The following GCNA variants were observed in gnomAD, a reference collection of about 807,000 sequenced individuals.
The protein encoded by GCNA is germ cell nuclear acidic protein.
Under a neutral mutation model 38.8 loss-of-function variants are expected in GCNA, and 3 were observed. The ratio of observed to expected loss-of-function variants is 0.08; its 90% CI spans 0.04 to 0.20. The LOEUF (loss-of-function observed/expected upper bound fraction) is 0.20. Among genes scored for constraint, GCNA ranks in the 10% least tolerant of loss-of-function variants. GCNA has a pLI of 1.00. For missense variants in GCNA, 446 were observed against 578.6 expected, an observed-to-expected ratio of 0.77 and a Z score of 2.35; for synonymous variants, 195 against 240.2, an observed-to-expected ratio of 0.81 and a Z score of 1.74.
intron 8 of GCNA, 70 bp downstream of exon 8, chrX:71,604,746 C>G: frequency 8.6e-7 from 1 of 1,160,011 alleles, no homozygotes; most frequent in Non-Finnish European, 1.2e-6. Flanking sequence ...CCTGTGTTAT[C>G]CAGTCTGCCT....
intron 2 of GCNA, among the ~76,000 whole-genome samples, chrX:71,586,049 C>A (rs138238619): frequency 2.5e-4 from 27 of 108,455 alleles, no homozygotes; most frequent in Non-Finnish European, 4.8e-4. Flanking sequence ...ATAAACGCTG[C>A]GAAGGGGCAG....
chrX:71,597,086 G>A (rs1210328825), intron 6 of GCNA, among the ~76,000 whole-genome samples: 1 of 111,043 alleles, frequency 9.0e-6, no homozygotes, highest in Non-Finnish European at 1.9e-5. Context: ...GTGAGGAGGA[G>A]TGAATGGAAA....
rs2040790472 is a variant in GCNA, at chrX:71,609,085, G to A, written c.1579G>A (p.Asp527Asn). The A allele has an allele frequency of 1.7e-6, 2 of 1,211,022 alleles. No individual in the cohort carries two copies. Among genetic ancestry groups the A allele is most frequent in the Non-Finnish European group, 2.2e-6 (2 of 895,145 alleles). Reference protein sequence around the residue: ...NKDELVQRIYDLFNRSVCDKK... With the variant: ...NKDELVQRIYNLFNRSVCDKK... Reference sequence around the variant, plus strand: ...GGATGAATTGGTTCAGAGAATCTACGACCTGTTTAACAGATCCGTCTGTGA... The same window carrying A: ...GGATGAATTGGTTCAGAGAATCTACAACCTGTTTAACAGATCCGTCTGTGA... Residue 527 changes from aspartate to asparagine, a missense_variant, in exon 10 of 13, where the codon GAC (aspartate) becomes AAC (asparagine). By Grantham distance (23) the Asp-to-Asn change is conservative. This residue lies in a region of GCNA where 60 missense variants were observed against 111.0 expected (regional missense o/e 0.54). Coordinates refer to ENST00000373696, the MANE Select transcript of GCNA (RefSeq NM_052957.5).
In GCNA at chrX:71,613,104, G is replaced by T. The variant is rs2040826021; in HGVS notation, c.*122G>T. The T allele has an allele frequency of 1.0e-6, 1 of 975,596 alleles. No individual in the cohort carries two copies. The highest frequency in any genetic ancestry group is 1.9e-5 in the African/African-American group (1 of 52,863). 80.4% of individuals were successfully genotyped at this position (975,596 alleles called of 1,213,427 possible). On this transcript the variant is annotated 3_prime_UTR_variant, in exon 13 of 13. Coordinates refer to ENST00000373696, the MANE Select transcript of GCNA (RefSeq NM_052957.5). The stretch of plus-strand genomic sequence containing the variant: ...TACAAGGCAATGAAGAATTCTTAAG[G>T]TTATCTTAGAGTATATTAATGTGAG...
In GCNA at chrX:71,610,730, C is replaced by G. The variant is rs1334861886; in HGVS notation, c.1661C>G (p.Ala554Gly). Reference sequence around the variant, plus strand: ...TGGAATAACAAGATGGTGAAAACTGCTGGCTTATGCAGCACTGGTGAGATG... The same window carrying G: ...TGGAATAACAAGATGGTGAAAACTGGTGGCTTATGCAGCACTGGTGAGATG... ...IGWNNKMVKT[A>G]GLCSTGEMWY... Residue 554 changes from alanine (A) to glycine (G), a missense_variant, in exon 11 of 13, where the codon GCT becomes GGT. Ala to Gly is a moderately conservative substitution (Grantham distance 60). Transcript: ENST00000373696. 8.3e-7 allele frequency: 1 copy of G among 1,211,462 alleles called. No homozygotes were observed. Among genetic ancestry groups the G allele is most frequent in the Non-Finnish European group, 1.1e-6 (1 of 895,421 alleles).
intron 2 of GCNA, among the ~76,000 whole-genome samples, chrX:71,588,445 T>C (rs2040599104): frequency 8.9e-6 from 1 of 112,374 alleles, no homozygotes; most frequent in African/African-American, 3.2e-5. Context: ...TAATTTTGAA[T>C]AATTTGGCAG....
chrX:71,611,541 C>T (rs1231734142), intron 11 of GCNA, among the ~76,000 whole-genome samples: 1 of 112,069 alleles, frequency 8.9e-6, no homozygotes, highest in Admixed American at 9.5e-5. Context: ...GAGACTTAGT[C>T]TCTAAAATGT....
At chrX:71,599,361 G>A (rs1455257780) in intron 7 of GCNA, among the ~76,000 whole-genome samples, 1 of 111,961 alleles carries the variant, frequency 8.9e-6, no homozygotes, top group Non-Finnish European at 1.9e-5. Flanking sequence ...TGGTCTGGGT[G>A]CAGAGTAGAG....
intron 9 of GCNA, among the ~76,000 whole-genome samples, 179 bp from the exon 10 acceptor site, chrX:71,608,794 T>A (rs1255982372): frequency 8.9e-6 from 1 of 111,809 alleles, no homozygotes; most frequent in Non-Finnish European, 1.9e-5. Context: ...TTTACACCTC[T>A]GAGGGTTGCA....
intron 9 of GCNA, among the ~76,000 whole-genome samples, chrX:71,608,139 C>G (rs1371547877): frequency 9.0e-6 from 1 of 111,335 alleles, no homozygotes; most frequent in Non-Finnish European, 1.9e-5. Context: ...GTTCTCATAT[C>G]TAGGCATTAA....
intron 2 of GCNA, among the ~76,000 whole-genome samples, chrX:71,585,053 G>A (rs1229904520): frequency 9.1e-6 from 1 of 110,010 alleles, no homozygotes; most frequent in Admixed American, 9.8e-5. Flanking sequence ...GCTCACACCT[G>A]TAATCCCGGC....
intron 7 of GCNA, among the ~76,000 whole-genome samples, chrX:71,601,924 G>A (rs2040718651): frequency 8.9e-6 from 1 of 112,420 alleles, no homozygotes; most frequent in African/African-American, 3.2e-5. Flanking sequence ...ACATAGGAGT[G>A]CAGATATCTC....
rs1262605082 is a variant in GCNA at position 71,604,303 on chromosome X, T to C, written c.1026T>C (p.Cys342=). The change falls in exon 8 of 13, where the codon TGT becomes TGC. Residue 342 remains cysteine (C), a synonymous_variant. Transcript: ENST00000373696. ...LEVPVPAEDL[C]NEGQIASDEE... The stretch of plus-strand genomic sequence containing the variant: ...TTCCTGTGCCAGCAGAAGATTTGTG[T>C]AATGAAGGCCAAATTGCTTCAGATG... 1 of 1,212,419 alleles carries C rather than the reference T, an allele frequency of 8.2e-7. No individual in the cohort carries two copies. The highest frequency in any genetic ancestry group is 3.0e-5 in the East Asian group (1 of 33,879).
At chrX:71,580,737 G>T in intron 1 of GCNA, 83 bp from the exon 2 acceptor site, 1 of 942,602 alleles carries the variant, frequency 1.1e-6, no homozygotes, top group Non-Finnish European at 1.5e-6. Flanking sequence ...GCCTCCCAAA[G>T]TGCTGGGATT....
chrX:71,598,158 C>T (rs932656209), intron 7 of GCNA, 120 bp downstream of exon 7: 32 of 494,762 alleles, frequency 6.5e-5, no homozygotes, highest in African/African-American at 6.0e-4. Flanking sequence ...TGAGTGCCAC[C>T]GTTTCTTTCC....
intron 6 of GCNA, among the ~76,000 whole-genome samples, chrX:71,595,533 T>C (rs760347084): frequency 1.8e-5 from 2 of 111,644 alleles, no homozygotes; most frequent in East Asian, 5.6e-4. Flanking sequence ...AATAGAAAAA[T>C]CAAGCTGTTT....
At chrX:71,598,986 G>A (rs752381206) in intron 7 of GCNA, among the ~76,000 whole-genome samples, 3 of 109,000 alleles carry the variant, frequency 2.8e-5, no homozygotes, top group East Asian at 2.9e-4. Flanking sequence ...GATTACAGGC[G>A]CCCGCCACCA....
chrX:71,597,629 C>A (rs1323560861), intron 6 of GCNA, among the ~76,000 whole-genome samples: 1 of 112,153 alleles, frequency 8.9e-6, no homozygotes, highest in Non-Finnish European at 1.9e-5. Flanking sequence ...TGACAACTCC[C>A]TGATCAATTT....
At chrX:71,592,953 G>C (rs766336345) in intron 4 of GCNA, among the ~76,000 whole-genome samples, 3 of 111,495 alleles carry the variant, frequency 2.7e-5, no homozygotes, top group Non-Finnish European at 5.7e-5. Context: ...GAATGCAGTG[G>C]CACGATCTCA....
Sources: gnomAD v4.1 joint callset for allele counts (sites outside exome capture counted in the v4.1 genomes callset) on GRCh38, gnomAD v4.1.1 for gene constraint, gnomAD v4.1.1 regional missense constraint, MANE v1.5 for transcripts, NCBI Gene and HGNC (gene_info 2026-07-23, HGNC 2026-07-21) for gene names.